The following CDK5RAP1 variants were observed in gnomAD, a reference collection of about 807,000 sequenced individuals.
The protein encoded by CDK5RAP1 is CDK5RAP1 mitochondrial tRNA methylthiotransferase.
CDK5RAP1 carries 62 observed loss-of-function variants against 64.5 expected under a neutral mutation model. The observed-to-expected ratio is 0.96, with a 90% CI of 0.78 to 1.19. The LOEUF (loss-of-function observed/expected upper bound fraction) is 1.19. Ranked by LOEUF, CDK5RAP1 falls within the 50% of genes most tolerant of loss-of-function variation. CDK5RAP1 has a pLI of 0.00. For missense variants in CDK5RAP1, 657 were observed against 735.0 expected (o/e 0.89, Z 1.23); for synonymous variants, 250 against 261.9 (o/e 0.95, Z 0.44).
intron 7 of CDK5RAP1, among the ~76,000 whole-genome samples, chr20:33,380,448 C>T (rs887695764): frequency 6.6e-6 from 1 of 152,056 alleles, no homozygotes; most frequent in African/African-American, 2.4e-5. Context: ...GCAATCCTCC[C>T]ACCTCAGCCT....
At chr20:33,385,149 C>T (rs1987254148) in intron 7 of CDK5RAP1, among the ~76,000 whole-genome samples, 1 of 152,202 alleles carries the variant, frequency 6.6e-6, no homozygotes, top group Non-Finnish European at 1.5e-5. Context: ...GCTTCTGATC[C>T]ACCTTACTCC....
At chr20:33,385,551 C>G in intron 7 of CDK5RAP1, 99 bp downstream of exon 7, 2 of 1,434,142 alleles carry the variant, frequency 1.4e-6, no homozygotes, top group Non-Finnish European at 1.9e-6. Flanking sequence ...TGGTCCTAAA[C>G]TTTAATAAGT....
At chr20:33,391,826 A>G (rs1443081103) in intron 5 of CDK5RAP1, among the ~76,000 whole-genome samples, 1 of 149,628 alleles carries the variant, frequency 6.7e-6, no homozygotes, top group Non-Finnish European at 1.5e-5. Context: ...ATCTCAAAGA[A>G]AAAAAAAAAA....
chr20:33,368,349 G>A (rs1024091984), intron 11 of CDK5RAP1, among the ~76,000 whole-genome samples: 8 of 151,606 alleles, frequency 5.3e-5, no homozygotes, highest in Admixed American at 3.3e-4. Flanking sequence ...CCGGAGTGCA[G>A]TGGCACAATC....
chr20:33,358,976 G>T lies in CDK5RAP1; in HGVS notation c.*67C>A. 1 of 1,146,184 alleles carries T rather than the reference G, an allele frequency of 8.7e-7. No individual in the cohort carries two copies. Among genetic ancestry groups the T allele is most frequent in the East Asian group, 2.3e-5 (1 of 42,576 alleles). The allele number at this position is 1,146,184 out of a possible 1,614,324, so 71.0% of individuals were successfully genotyped here. A position where few individuals can be genotyped will look rare whatever the true frequency, so the allele number is the denominator to read the frequency against. ...ACCTTCATGACCTGTTTCCTCAGTG[G>T]CAGGCAATGTCTCCCCTTCCTGTTG... On this transcript the variant is annotated 3_prime_UTR_variant, in exon 14 of 14. Transcript: ENST00000346416.
At chr20:33,386,559 G>A (rs1386419239) in intron 6 of CDK5RAP1, among the ~76,000 whole-genome samples, 1 of 152,132 alleles carries the variant, frequency 6.6e-6, no homozygotes, top group Non-Finnish European at 1.5e-5. Context: ...ACGCCTTCCT[G>A]ATCCAACTGT....
chr20:33,388,047 A>C (rs1408834613), intron 5 of CDK5RAP1, among the ~76,000 whole-genome samples: 1 of 151,776 alleles, frequency 6.6e-6, no homozygotes, highest in Non-Finnish European at 1.5e-5. Context: ...CAGCCTGGGC[A>C]ACAAGGGTGA....
chr20:33,388,290 C>T (rs1987718763), intron 5 of CDK5RAP1, among the ~76,000 whole-genome samples: 1 of 152,008 alleles, frequency 6.6e-6, no homozygotes, highest in Admixed American at 6.6e-5. Context: ...TCTTCCATAT[C>T]CTTAAAAAAA....
Position 33,358,980 on chromosome 20 carries a change from G to T in CDK5RAP1, c.*63C>A. The T allele has an allele frequency of 8.3e-7, 1 of 1,200,484 alleles. No individual in the cohort carries two copies. Among genetic ancestry groups the T allele is most frequent in the Non-Finnish European group, 1.2e-6 (1 of 812,622 alleles). The allele number at this position is 1,200,484 out of a possible 1,614,324, so 74.4% of individuals were successfully genotyped here. A position where few individuals can be genotyped will look rare whatever the true frequency, so the allele number is the denominator to read the frequency against. ...TCATGACCTGTTTCCTCAGTGGCAG[G>T]CAATGTCTCCCCTTCCTGTTGGGGA... On this transcript the variant is annotated 3_prime_UTR_variant, in exon 14 of 14. Coordinates refer to ENST00000346416, the MANE Select transcript of CDK5RAP1 (RefSeq NM_016408.4).
intron 10 of CDK5RAP1, among the ~76,000 whole-genome samples, chr20:33,371,605 T>C (rs6141933): frequency 0.051 from 7,739 of 152,138 alleles, 299 homozygotes; most frequent in Middle Eastern, 0.095. Context: ...CTGGACAACA[T>C]GGTGAAACCC....
chr20:33,386,619 A>C (rs928864937), intron 6 of CDK5RAP1, among the ~76,000 whole-genome samples: 3 of 152,194 alleles, frequency 2.0e-5, no homozygotes, highest in Non-Finnish European at 4.4e-5. Context: ...TGTATGTGAA[A>C]GCCTCAATCT....
chr20:33,397,008 C>A lies in CDK5RAP1; in HGVS notation c.57G>T (p.Leu19Phe). Reference protein sequence around the residue: ...QVQRSLGWGPLASVSWLSLRM... With the variant: ...QVQRSLGWGPFASVSWLSLRM... The stretch of plus-strand genomic sequence containing the variant: ...TCAGCGACAGCCAAGACACAGAGGC[C>A]AATGGTCCCCACCCCAGAGACCTCT... The change falls in exon 2 of 14, where the codon TTG (leucine) becomes TTT (phenylalanine). Residue 19 changes from leucine (L) to phenylalanine (F), a missense_variant. Transcript: ENST00000346416. 6.2e-7 allele frequency: 1 copy of A among 1,614,096 alleles called. No homozygotes were observed. Among genetic ancestry groups the A allele is most frequent in the Non-Finnish European group, 8.5e-7 (1 of 1,180,020 alleles).
chr20:33,398,542 G>A (rs1989109355), intron 1 of CDK5RAP1, among the ~76,000 whole-genome samples: 1 of 152,024 alleles, frequency 6.6e-6, no homozygotes, highest in African/African-American at 2.4e-5. Context: ...TAATAGCAAA[G>A]GAAAGGGAAA....
chr20:33,366,849 A>G lies in CDK5RAP1; in HGVS notation c.1542+10T>C. ...AAAAAACAACATAACACACACACATATGGCCTCACCCCTTCCACTAGCACC... is the reference window on the plus strand; with the variant it reads ...AAAAAACAACATAACACACACACATGTGGCCTCACCCCTTCCACTAGCACC... On this transcript the variant is annotated intron_variant, in intron 12 of 13. Coordinates refer to ENST00000346416, the MANE Select transcript of CDK5RAP1 (RefSeq NM_016408.4). The G allele has an allele frequency of 6.2e-7, 1 of 1,607,914 alleles. No individual in the cohort carries two copies. The highest frequency in any genetic ancestry group is 8.5e-7 in the Non-Finnish European group (1 of 1,178,126).
At chr20:33,367,068 C>A in intron 11 of CDK5RAP1, 60 bp from the exon 12 acceptor site, 1 of 1,524,976 alleles carries the variant, frequency 6.6e-7, no homozygotes, top group Non-Finnish European at 8.9e-7. Context: ...AGAATCTATT[C>A]TTAATGCACA....
chr20:33,373,495 A>C (rs1985463960), intron 9 of CDK5RAP1: 1 of 152,510 alleles, frequency 6.6e-6, no homozygotes, highest in Non-Finnish European at 1.5e-5. Flanking sequence ...TTAACTAATA[A>C]ATCTAGACAG....
chr20:33,389,640 T>C (rs1988055806), intron 5 of CDK5RAP1, among the ~76,000 whole-genome samples: 1 of 151,014 alleles, frequency 6.6e-6, no homozygotes, highest in African/African-American at 2.4e-5. Flanking sequence ...GGGGCGCCTC[T>C]GCCCGGCCAC....
At chr20:33,360,281 T>G (rs770859583) in intron 13 of CDK5RAP1, 70 bp downstream of exon 13, 1 of 1,497,416 alleles carries the variant, frequency 6.7e-7, no homozygotes, top group East Asian at 2.3e-5. Flanking sequence ...GGAAAAAACT[T>G]TATTACCACA....
rs377416667 is a variant in CDK5RAP1, at chr20:33,374,251, A to T, written c.1108-39T>A. The T allele has an allele frequency of 8.7e-5, 113 of 1,301,280 alleles. No homozygotes were observed. In the Middle Eastern group the frequency reaches 9.2e-4, roughly 11 times the overall value. 80.6% of individuals were successfully genotyped at this position (1,301,280 alleles called of 1,614,324 possible). Reference sequence around the variant, plus strand: ...ACACATTATAGGTAATCACAATCTCACCAAAGAACCTTACAGAAAGCAATA... The same window carrying T: ...ACACATTATAGGTAATCACAATCTCTCCAAAGAACCTTACAGAAAGCAATA... On this transcript the variant is annotated intron_variant, in intron 8 of 13. Transcript: ENST00000346416.
Sources: gnomAD v4.1 joint callset for allele counts (sites outside exome capture counted in the v4.1 genomes callset) on GRCh38, gnomAD v4.1.1 for gene constraint, MANE v1.5 for transcripts, NCBI Gene and HGNC (gene_info 2026-07-23, HGNC 2026-07-21) for gene names.